Variants in MBNL1 observed in about 807,000 individuals in gnomAD.
MBNL1 encodes muscleblind like splicing regulator 1.
In MBNL1, 8 loss-of-function variants were observed where a neutral mutation model predicts 42.2. The ratio of observed to expected loss-of-function variants is 0.19; its 90% confidence interval spans 0.11 to 0.34. The LOEUF (loss-of-function observed/expected upper bound fraction) is 0.34, where lower values mean the gene tolerates loss of function less well. Ranked by LOEUF, MBNL1 falls within the 10% of genes least tolerant of loss-of-function variation. The pLI is 1.00. For missense variants in MBNL1, 309 were observed against 495.3 expected (o/e 0.62, Z 3.57); for synonymous variants, 169 against 173.9 (o/e 0.97, Z 0.22).
intron 2 of MBNL1, among the ~76,000 whole-genome samples, chr3:152,380,683 A>C (rs2097142194): frequency 6.6e-6 from 1 of 152,032 alleles, no homozygotes; most frequent in Admixed American, 6.6e-5. Flanking sequence ...CTGCATTTTC[A>C]CATTATGTAC....
intron 2 of MBNL1, among the ~76,000 whole-genome samples, chr3:152,312,837 C>T (rs1335994385): frequency 6.6e-6 from 1 of 152,036 alleles, no homozygotes; most frequent in African/African-American, 2.4e-5. Flanking sequence ...GGCCTGTATG[C>T]TCTTTTCTTT....
intron 3 of MBNL1, among the ~76,000 whole-genome samples, chr3:152,429,663 G>C (rs1380302515): frequency 6.6e-6 from 1 of 152,130 alleles, no homozygotes; most frequent in African/African-American, 2.4e-5. Context: ...TGATTTCTCT[G>C]ATTAGGGCAC....
chr3:152,311,154 A>G (rs1215238082), intron 2 of MBNL1, among the ~76,000 whole-genome samples: 3 of 151,608 alleles, frequency 2.0e-5, no homozygotes, highest in Non-Finnish European at 4.4e-5. Context: ...GATTACAGGC[A>G]TGCACCACCA....
intron 2 of MBNL1, among the ~76,000 whole-genome samples, chr3:152,387,545 T>A (rs1266944022): frequency 6.6e-6 from 1 of 152,184 alleles, no homozygotes; most frequent in African/African-American, 2.4e-5. Context: ...TCGTATTAAT[T>A]ATTTTTCACT....
At chr3:152,369,703 A>G (rs2096577532) in intron 2 of MBNL1, among the ~76,000 whole-genome samples, 4 of 152,110 alleles carry the variant, frequency 2.6e-5, no homozygotes. Context: ...TTATTGGTCT[A>G]TTCAGGGATT....
rs370049113 is a variant in MBNL1 at position 152,428,285 on chromosome 3, C to T, written c.346-4432C>T. On this transcript the variant is annotated intron_variant, in intron 3 of 9. Transcript: ENST00000324210. ...AGATCTGTATAGATGCTAAACGCAG[C>T]GTATACATAACATGAACAAGACATA... Among the ~76,000 whole-genome samples, 132 of 152,208 alleles carry T rather than the reference C, an allele frequency of 8.7e-4. No individual in the cohort carries two copies. In the South Asian group the frequency reaches 0.019, roughly 22 times the overall value.
At chr3:152,286,040 A>G (rs186991043) in intron 1 of MBNL1, among the ~76,000 whole-genome samples, 81 of 151,992 alleles carry the variant, frequency 5.3e-4, no homozygotes, top group African/African-American at 1.5e-3. Flanking sequence ...CTTTTCAAAA[A>G]TTAATCTTTT....
chr3:152,312,643 T>G (rs950767499), intron 2 of MBNL1, among the ~76,000 whole-genome samples: 7 of 152,210 alleles, frequency 4.6e-5, no homozygotes, highest in African/African-American at 1.7e-4. Context: ...AAGATTGTTA[T>G]ATAGATTCAA....
intron 2 of MBNL1, among the ~76,000 whole-genome samples, chr3:152,320,032 C>A (rs2075431472): frequency 6.6e-6 from 1 of 152,040 alleles, no homozygotes; most frequent in Admixed American, 6.6e-5. Context: ...TAAATTGTTT[C>A]TAACCCCCAC....
chr3:152,346,556 A>T (rs2094278475), intron 2 of MBNL1, among the ~76,000 whole-genome samples: 1 of 152,088 alleles, frequency 6.6e-6, no homozygotes, highest in African/African-American at 2.4e-5. Context: ...TATTTTTCCT[A>T]GAATAATTTA....
At chr3:152,308,468 C>G (rs1216288097) in intron 2 of MBNL1, among the ~76,000 whole-genome samples, 3 of 152,132 alleles carry the variant, frequency 2.0e-5, no homozygotes, top group Non-Finnish European at 4.4e-5. Context: ...TGAAGCTAGT[C>G]TTTAATAGGG....
At chr3:152,410,664 A>C (rs760302941) in intron 2 of MBNL1, among the ~76,000 whole-genome samples, 4 of 152,258 alleles carry the variant, frequency 2.6e-5, no homozygotes, top group Admixed American at 6.5e-5. Context: ...CCCCAACCTA[A>C]TACTATGTAG....
chr3:152,363,845 T>A (rs2096173450), intron 2 of MBNL1, among the ~76,000 whole-genome samples: 1 of 152,132 alleles, frequency 6.6e-6, no homozygotes, highest in African/African-American at 2.4e-5. Context: ...CCTTCAAATA[T>A]ACCACGTAGT....
intron 1 of MBNL1, among the ~76,000 whole-genome samples, chr3:152,298,387 A>G (rs999355821): frequency 1.3e-5 from 2 of 152,224 alleles, no homozygotes; most frequent in Admixed American, 1.3e-4. Context: ...TTAACTGATC[A>G]TCAGGCAACA....
chr3:152,377,731 A>G lies in MBNL1; in HGVS notation c.175-37210A>G, dbSNP rs73009968. Among the ~76,000 whole-genome samples the G allele has an allele frequency of 6.4e-3, 971 of 152,346 alleles. 9 individuals carry two copies. Among genetic ancestry groups the G allele is most frequent in the African/African-American group, 0.022 (928 of 41,586 alleles). The stretch of plus-strand genomic sequence containing the variant: ...ACATTGAGTAAATTAACTGACTTCT[A>G]CAGTGACCTAAATTTGATCTATGAT... On this transcript the variant is annotated intron_variant, in intron 2 of 9. Coordinates refer to ENST00000324210, the MANE Select transcript of MBNL1 (RefSeq NM_021038.5).
chr3:152,429,672 ACT>A (rs1016133245), intron 3 of MBNL1, among the ~76,000 whole-genome samples: 1 of 152,066 alleles, frequency 6.6e-6, no homozygotes, highest in Non-Finnish European at 1.5e-5. Flanking sequence ...TGATTAGGGC[ACT>A]CTCTGATGGG....
At chr3:152,433,725 G>A (rs2099039349) in intron 4 of MBNL1, among the ~76,000 whole-genome samples, 1 of 150,378 alleles carries the variant, frequency 6.6e-6, no homozygotes, top group Non-Finnish European at 1.5e-5. Context: ...ACTCCAGCCT[G>A]GGCGACAGAG....
chr3:152,343,883 G>T (rs1323177823), intron 2 of MBNL1, among the ~76,000 whole-genome samples: 2 of 152,042 alleles, frequency 1.3e-5, no homozygotes, highest in East Asian at 1.9e-4. Context: ...ACTCAATTTG[G>T]TACCAGAGAC....
chr3:152,286,475 A>T (rs1186390872), intron 1 of MBNL1, among the ~76,000 whole-genome samples: 1 of 138,810 alleles, frequency 7.2e-6, no homozygotes, highest in Non-Finnish European at 1.6e-5. Context: ...TTTTATTTAT[A>T]ATATAAATAT....
Sources: gnomAD v4.1 joint callset for allele counts (sites outside exome capture counted in the v4.1 genomes callset) on GRCh38, gnomAD v4.1.1 for gene constraint, MANE v1.5 for transcripts, NCBI Gene and HGNC (gene_info 2026-07-23, HGNC 2026-07-21) for gene names.